The following CCDC186 variants were observed in gnomAD, a reference collection of about 807,000 sequenced individuals.
CCDC186 encodes coiled-coil domain-containing protein 186.
Under a neutral mutation model 113.7 loss-of-function variants are expected in CCDC186, and 49 were observed. The ratio of observed to expected loss-of-function variants is 0.43; its 90% CI spans 0.34 to 0.55. The LOEUF (loss-of-function observed/expected upper bound fraction) is 0.55. CCDC186 is among the 20% of genes least tolerant of loss of function. The pLI is 0.02. For synonymous variants in CCDC186, 355 were observed against 345.8 expected, an observed-to-expected ratio of 1.03 and a Z score of -0.30; for missense variants, 890 against 1,011.1, an observed-to-expected ratio of 0.88 and a Z score of 1.62.
At chr10:114,150,349 A>G (rs1236060276) in intron 4 of CCDC186, among the ~76,000 whole-genome samples, 2 of 152,216 alleles carry the variant, frequency 1.3e-5, no homozygotes, top group Non-Finnish European at 2.9e-5. Context: ...TACCAACTTA[A>G]AAAGATTACC....
chr10:114,172,377 C>T (rs944186892), intron 1 of CCDC186, among the ~76,000 whole-genome samples: 3 of 152,190 alleles, frequency 2.0e-5, no homozygotes, highest in African/African-American at 7.2e-5. Context: ...ACTGAACATA[C>T]TAAGCAATCA....
rs2031766463 is a variant in CCDC186 at position 114,149,657 on chromosome 10, G to A, written c.888+1435C>T. Among the ~76,000 whole-genome samples the A allele has an allele frequency of 1.7e-5, 2 of 117,722 alleles. 1 individual carries two copies. Among genetic ancestry groups the A allele is most frequent in the Non-Finnish European group, 3.5e-5 (2 of 56,604 alleles). 77.2% of individuals were successfully genotyped at this position (117,722 alleles called of 152,430 possible). On this transcript the variant is annotated intron_variant, in intron 4 of 15. Transcript: ENST00000369287. ...GGGAGGGGAGGGAATGCGAAGGAAG[G>A]AAGGAAGGAAAGGAGGGAAGGAGGG... is the stretch of plus-strand genomic sequence containing the variant.
intron 13 of CCDC186, 50 bp downstream of exon 13, chr10:114,129,837 CTATT>C (rs2031030452): frequency 1.3e-6 from 2 of 1,545,324 alleles, no homozygotes; most frequent in African/African-American, 1.4e-5. Flanking sequence ...GCCAAAAATG[CTATT>C]TATTTTTATA....
chr10:114,139,499 G>C (rs2031393323), intron 6 of CCDC186, among the ~76,000 whole-genome samples: 2 of 150,496 alleles, frequency 1.3e-5, no homozygotes, highest in African/African-American at 4.9e-5. Flanking sequence ...GGAGGCAGAG[G>C]TTGCAGTGAG....
chr10:114,159,934 G>C (rs1166812120), intron 2 of CCDC186, among the ~76,000 whole-genome samples: 2 of 152,080 alleles, frequency 1.3e-5, no homozygotes, highest in Non-Finnish European at 2.9e-5. Flanking sequence ...CTACACTCCA[G>C]CTTGGGCAAG....
chr10:114,165,420 G>A (rs901006514), intron 1 of CCDC186, among the ~76,000 whole-genome samples: 6 of 152,236 alleles, frequency 3.9e-5, no homozygotes, highest in African/African-American at 7.2e-5. Context: ...TGGGCTGGGC[G>A]TGGTGGCTCA....
intron 6 of CCDC186, among the ~76,000 whole-genome samples, chr10:114,139,419 C>T (rs919735778): frequency 6.6e-5 from 10 of 151,792 alleles, no homozygotes; most frequent in South Asian, 6.2e-4. Context: ...AAAAATTAGC[C>T]GGGTGTGGTG....
rs1210686299 is a variant in CCDC186, at chr10:114,121,371, T to C, written c.*3772A>G. On this transcript the variant is annotated 3_prime_UTR_variant, in exon 16 of 16. Coordinates refer to ENST00000369287, the MANE Select transcript of CCDC186 (RefSeq NM_018017.4). ...GGTAGCATATATAACAACATTTACA[T>C]TATTAAGGATTCTATTTTTTTCTTT... The C allele has an allele frequency of 6.6e-6, 1 of 152,162 alleles. No individual in the cohort carries two copies. The highest frequency in any genetic ancestry group is 1.5e-5 in the Non-Finnish European group (1 of 68,016). The allele number at this position is 152,162 out of a possible 1,614,324, so 9.4% of individuals were successfully genotyped here.
In CCDC186 at chr10:114,121,567, A is replaced by T. The variant is rs886256277; in HGVS notation, c.*3576T>A. 2 of 152,134 alleles carry T rather than the reference A, an allele frequency of 1.3e-5. No individual in the cohort carries two copies. The highest frequency in any genetic ancestry group is 2.9e-5 in the Non-Finnish European group (2 of 68,002). The allele number at this position is 152,134 out of a possible 1,614,324, so 9.4% of individuals were successfully genotyped here. A position where few individuals can be genotyped will look rare whatever the true frequency, so the allele number is the denominator to read the frequency against. Reference sequence around the variant, plus strand: ...CCATCTTATGGTCTTTGGATTTTTTATTTTTTCTTAAATAATGAAAATCAA... The same window carrying T: ...CCATCTTATGGTCTTTGGATTTTTTTTTTTTTCTTAAATAATGAAAATCAA... On this transcript the variant is annotated 3_prime_UTR_variant, in exon 16 of 16. Coordinates refer to ENST00000369287, the MANE Select transcript of CCDC186 (RefSeq NM_018017.4).
At chr10:114,163,397 T>A (rs2032238735) in intron 1 of CCDC186, 68 bp from the exon 2 acceptor site, 1 of 1,268,848 alleles carries the variant, frequency 7.9e-7, no homozygotes, top group African/African-American at 1.5e-5. Context: ...TTGCACACAC[T>A]CTGTGATGTG....
chr10:114,137,239 C>T lies in CCDC186; in HGVS notation c.1273G>A (p.Glu425Lys), dbSNP rs1339731325. Residue 425 changes from glutamate (E) to lysine (K), a missense_variant, in exon 7 of 16, where the codon GAA (glutamate) becomes AAA (lysine). By Grantham distance (56) the Glu-to-Lys change is moderately conservative. Coordinates refer to ENST00000369287, the MANE Select transcript of CCDC186 (RefSeq NM_018017.4). ...TTTTTTCGTATCTGATCTGCTTCTTCCTTTGCTTGTGTTAATTTTGTTGTT... is the reference window on the plus strand; with the variant it reads ...TTTTTTCGTATCTGATCTGCTTCTTTCTTTGCTTGTGTTAATTTTGTTGTT... ...ETTTKLTQAKEEADQIRKNCQ... is the reference protein window; with the variant it reads ...ETTTKLTQAKKEADQIRKNCQ... The T allele has an allele frequency of 6.2e-7, 1 of 1,613,672 alleles. No homozygotes were observed. Among genetic ancestry groups the T allele is most frequent in the Non-Finnish European group, 8.5e-7 (1 of 1,179,914 alleles).
At chr10:114,138,466 G>A (rs1003465888) in intron 6 of CCDC186, among the ~76,000 whole-genome samples, 1 of 151,260 alleles carries the variant, frequency 6.6e-6, no homozygotes, top group African/African-American at 2.4e-5. Flanking sequence ...GCTAATTTTT[G>A]TATTTTTAGT....
intron 11 of CCDC186, 75 bp downstream of exon 11, chr10:114,131,854 T>C: frequency 7.7e-7 from 1 of 1,303,146 alleles, no homozygotes; most frequent in Non-Finnish European, 1.0e-6. Context: ...TCAACTACTA[T>C]TACTTTTATA....
intron 9 of CCDC186, among the ~76,000 whole-genome samples, chr10:114,135,399 C>A (rs899699715): frequency 6.6e-6 from 1 of 152,074 alleles, no homozygotes; most frequent in Non-Finnish European, 1.5e-5. Flanking sequence ...GGTTAAAGGA[C>A]TACTTCTAAA....
intron 3 of CCDC186, 143 bp downstream of exon 3, chr10:114,157,411 C>T: frequency 1.7e-6 from 1 of 583,712 alleles, no homozygotes; most frequent in Non-Finnish European, 2.7e-6. Flanking sequence ...AGGCTGGTCT[C>T]AAACTCCTGG....
intron 4 of CCDC186, among the ~76,000 whole-genome samples, chr10:114,146,922 AATGCT>A (rs1284553482): frequency 6.6e-6 from 1 of 152,252 alleles, no homozygotes. Flanking sequence ...CAACACTGAG[AATGCT>A]ATACATACAC....
At position 114,157,689 on chromosome 10, in the gene CCDC186, A is replaced by C; in HGVS notation, c.633-9T>G. ...TATTTTCTTTAATTAACCTAAATAT[A>C]AAAAGGGCAGTGTATGTAAAACATA... On this transcript the variant is annotated splice_polypyrimidine_tract_variant and intron_variant, in intron 2 of 15. Transcript: ENST00000369287. 1 of 1,567,224 alleles carries C rather than the reference A, an allele frequency of 6.4e-7. No homozygotes were observed. Among genetic ancestry groups the C allele is most frequent in the East Asian group, 2.2e-5 (1 of 44,454 alleles).
In CCDC186 at chr10:114,129,927, C is replaced by G; in HGVS notation, c.2146G>C (p.Glu716Gln). The change falls in exon 13 of 16, where the codon GAA (glutamate) becomes CAA (glutamine). Residue 716 changes from glutamate (E) to glutamine (Q), a missense_variant. Physicochemically the swap from Glu to Gln is conservative, Grantham distance 29. Coordinates refer to ENST00000369287, the MANE Select transcript of CCDC186 (RefSeq NM_018017.4). ...GAACGACTTCCCATGCTGCTGACTT[C>G]TTTGTCATAGCTTCCACTCTCAACC... The part of the protein sequence containing the change: ...DQVESGSYDK[E>Q]VSSMGSRSSS... The G allele has an allele frequency of 6.2e-7, 1 of 1,613,684 alleles. No homozygotes were observed. The highest frequency in any genetic ancestry group is 8.5e-7 in the Non-Finnish European group (1 of 1,179,738).
intron 1 of CCDC186, 99 bp downstream of exon 1, chr10:114,173,916 C>A (rs915088831): frequency 4.8e-6 from 2 of 417,488 alleles, no homozygotes; most frequent in Admixed American, 5.3e-5. Flanking sequence ...CGCCCTCGCC[C>A]CCGCCACGGA....
Sources: gnomAD v4.1 joint callset for allele counts (sites outside exome capture counted in the v4.1 genomes callset) on GRCh38, gnomAD v4.1.1 for gene constraint, MANE v1.5 for transcripts, NCBI Gene and HGNC (gene_info 2026-07-23, HGNC 2026-07-21) for gene names.